CPXCR1: variants seen among roughly 807,000 people sequenced by gnomAD.
CPXCR1 encodes the protein CPX chromosome region candidate 1, also known as CPX chromosomal region candidate gene 1 protein.
A neutral mutation model predicts 13.8 loss-of-function variants in CPXCR1; 15 were observed. That is an observed-to-expected ratio of 1.09 (90% CI 0.73 to 1.67). The LOEUF is 1.67. Ranked by LOEUF, CPXCR1 falls within the 40% of genes most tolerant of loss-of-function variation. CPXCR1 has a pLI of 0.00. For synonymous variants in CPXCR1, 70 were observed against 76.7 expected, an observed-to-expected ratio of 0.91 and a Z score of 0.46; for missense variants, 247 against 223.6, an observed-to-expected ratio of 1.10 and a Z score of -0.67.
intron 2 of CPXCR1, among the ~76,000 whole-genome samples, chrX:88,751,532 A>C (rs1228596715): frequency 9.0e-6 from 1 of 111,500 alleles, no homozygotes; most frequent in Non-Finnish European, 1.9e-5. Context: ...GCTGAGAAGA[A>C]TGTATATTCT....
In CPXCR1 at chrX:88,753,776, C is replaced by T. The variant is rs1477949802; in HGVS notation, c.362C>T (p.Ala121Val). The T allele has an allele frequency of 8.3e-7, 1 of 1,209,597 alleles. No homozygotes were observed. The highest frequency in any genetic ancestry group is 2.2e-5 in the Admixed American group (1 of 45,789). ...RSHSGKVEMK[A>V]NNFPINHKTR... ...CACTCAGGGAAAGTTGAGATGAAAG[C>T]AAACAATTTCCCCATAAATCACAAA... Residue 121 changes from alanine to valine, a missense_variant, in exon 3 of 3, where the codon GCA becomes GTA. Transcript: ENST00000276127.
chrX:88,750,824 G>A (rs1393598859), intron 2 of CPXCR1, among the ~76,000 whole-genome samples: 2 of 111,550 alleles, frequency 1.8e-5, no homozygotes, highest in African/African-American at 6.5e-5. Flanking sequence ...GTCCAGGAAT[G>A]TATCCATTTC....
At position 88,753,655 on chromosome X, in the gene CPXCR1, C is replaced by G; in HGVS notation, c.241C>G (p.Arg81Gly). 1.7e-6 allele frequency: 2 copies of G among 1,208,431 alleles called. No individual in the cohort carries two copies. Among genetic ancestry groups the G allele is most frequent in the Non-Finnish European group, 2.2e-6 (2 of 894,037 alleles). Residue 81 changes from arginine to glycine, a missense_variant, in exon 3 of 3, where the codon CGA (arginine) becomes GGA (glycine). By Grantham distance (125) the Arg-to-Gly change is moderately radical. Transcript: ENST00000276127. ...ELETEIQKDQ[R>G]EEDLKEELLL... ...CGAAACAGAGATCCAAAAAGATCAA[C>G]GAGAAGAAGATCTAAAAGAAGAGCT... is the stretch of plus-strand genomic sequence containing the variant.
chrX:88,751,244 T>C (rs1272325866), intron 2 of CPXCR1, among the ~76,000 whole-genome samples: 4 of 112,015 alleles, frequency 3.6e-5, no homozygotes, highest in African/African-American at 1.3e-4. Flanking sequence ...GCTTTAGCTG[T>C]GTCCCAGAGA....
Position 88,753,909 on chromosome X carries a change from A to T in CPXCR1, c.495A>T (p.Ala165=), listed in dbSNP as rs1338880906. The part of the protein sequence containing the change: ...LLCDRYFSQA[A]GCQNTMWVKR... The stretch of plus-strand genomic sequence containing the variant: ...GTGATAGATATTTCTCTCAGGCTGC[A>T]GGGTGTCAGAATACCATGTGGGTAA... Residue 165 remains alanine, a synonymous_variant, in exon 3 of 3, where the codon GCA becomes GCT. Transcript: ENST00000276127. 8.3e-7 allele frequency: 1 copy of T among 1,210,877 alleles called. No homozygotes were observed. The highest frequency in any genetic ancestry group is 1.1e-6 in the Non-Finnish European group (1 of 894,619).
intron 2 of CPXCR1, among the ~76,000 whole-genome samples, chrX:88,751,797 A>G (rs907478545): frequency 3.6e-5 from 4 of 111,788 alleles, no homozygotes; most frequent in Non-Finnish European, 5.6e-5. Context: ...GCAGTATTGG[A>G]ACAGAGAAAG....
rs188365025 is a variant in CPXCR1, at chrX:88,750,422, C to T, written c.-9+999C>T. On this transcript the variant is annotated intron_variant, in intron 2 of 2. Coordinates refer to ENST00000276127, the MANE Select transcript of CPXCR1 (RefSeq NM_033048.6). ...CCAGCCTTGCATCCCAGGGATGAAG[C>T]TGACTTGATCATGGTGGATAAGCTT... Among the ~76,000 whole-genome samples, 38 of 111,689 alleles carry T rather than the reference C, an allele frequency of 3.4e-4. No individual in the cohort carries two copies. In the East Asian group the frequency reaches 7.7e-3, roughly 23 times the overall value.
At chrX:88,748,795 TTGTG>T (rs748485686) in intron 1 of CPXCR1, among the ~76,000 whole-genome samples, 4,037 of 99,639 alleles carry the variant, frequency 0.041, 194 homozygotes, top group African/African-American at 0.13. Context: ...GATATTTCTT[TTGTG>T]TGTGTGTGTG....
rs774253645 is a variant in CPXCR1, at chrX:88,753,938, G to A, written c.524G>A (p.Arg175Gln). ...AGCQNTMWVK[R>Q]KYIACLYHPN... ...TGTCAGAATACCATGTGGGTAAAGC[G>A]AAAATATATAGCATGTCTTTACCAT... Residue 175 changes from arginine (R) to glutamine (Q), a missense_variant, in exon 3 of 3, where the codon CGA becomes CAA. By Grantham distance (43) the Arg-to-Gln change is conservative. Transcript: ENST00000276127. 5.7e-5 allele frequency: 69 copies of A among 1,208,450 alleles called. No homozygotes were observed. Among genetic ancestry groups the A allele is most frequent in the Admixed American group, 2.0e-4 (9 of 45,582 alleles).
At chrX:88,751,928 T>C (rs780980028) in intron 2 of CPXCR1, among the ~76,000 whole-genome samples, 1 of 111,485 alleles carries the variant, frequency 9.0e-6, no homozygotes, top group Non-Finnish European at 1.9e-5. Flanking sequence ...TCTACATCTT[T>C]AAATCCTGCT....
chrX:88,750,987 C>T (rs1357713784), intron 2 of CPXCR1, among the ~76,000 whole-genome samples: 2 of 110,690 alleles, frequency 1.8e-5, no homozygotes, highest in South Asian at 3.8e-4. Flanking sequence ...GTCTGGCTAG[C>T]GGTCTATCTA....
At position 88,754,736 on chromosome X, in the gene CPXCR1, C is replaced by A. The variant is rs192696435; in HGVS notation, c.*416C>A. 29 of 126,970 alleles carry A rather than the reference C, an allele frequency of 2.3e-4. 1 individual carries two copies. The highest frequency in any genetic ancestry group is 4.4e-3 in the Middle Eastern group (1 of 225). 10.5% of individuals were successfully genotyped at this position (126,970 alleles called of 1,213,427 possible). A position where few individuals can be genotyped will look rare whatever the true frequency, so the allele number is the denominator to read the frequency against. ...CCAGAGATTCTGCTACATGTATTAT[C>A]TGAAATGTTCTCCATATATTCAATA... On this transcript the variant is annotated 3_prime_UTR_variant, in exon 3 of 3. Coordinates refer to ENST00000276127, the MANE Select transcript of CPXCR1 (RefSeq NM_033048.6).
Position 88,753,811 on chromosome X carries a change from C to T in CPXCR1, c.397C>T (p.Arg133Ter), listed in dbSNP as rs1924996665. 2 of 1,208,727 alleles carry T rather than the reference C, an allele frequency of 1.7e-6. No homozygotes were observed. The highest frequency in any genetic ancestry group is 1.7e-5 in the African/African-American group (1 of 57,579). The change falls in exon 3 of 3, where the codon CGA becomes TGA. Residue 133 changes from arginine (R) to a stop codon, truncating the protein, a stop_gained. Transcript: ENST00000276127. LOFTEE classifies it high-confidence loss of function. ...NFPINHKTRF[R>*]LSTSWRVPFI... ...CCCCATAAATCACAAAACTCGTTTT[C>T]GACTTTCAACTTCATGGAGAGTCCC...
In CPXCR1 at chrX:88,747,298, T is replaced by A. The variant is rs1602836917; in HGVS notation, c.-186T>A. ...AGGACCCCGTGAAGCACACCTTTCC[T>A]AAGGATTTTGACGAATGAGAATGAA... On this transcript the variant is annotated 5_prime_UTR_variant, in exon 1 of 3. Transcript: ENST00000276127. 1.8e-5 allele frequency: 2 copies of A among 112,178 alleles called. No individual in the cohort carries two copies. Among genetic ancestry groups the A allele is most frequent in the Admixed American group, 9.4e-5 (1 of 10,589 alleles). The allele number at this position is 112,178 out of a possible 1,213,427, so 9.2% of individuals were successfully genotyped here.
intron 2 of CPXCR1, 96 bp from the exon 3 acceptor site, chrX:88,753,311 C>A: frequency 2.2e-6 from 1 of 447,512 alleles, no homozygotes; most frequent in Non-Finnish European, 3.5e-6. Flanking sequence ...AGAAATAGCA[C>A]ATTCACAGGC....
chrX:88,752,024 C>T (rs976077754), intron 2 of CPXCR1, among the ~76,000 whole-genome samples: 5 of 112,030 alleles, frequency 4.5e-5, no homozygotes, highest in African/African-American at 1.6e-4. Flanking sequence ...TCAAACTCCA[C>T]CACTCCACCA....
At position 88,754,181 on chromosome X, in the gene CPXCR1, T is replaced by C; in HGVS notation, c.767T>C (p.Ile256Thr). Residue 256 changes from isoleucine (I) to threonine (T), a missense_variant, in exon 3 of 3, where the codon ATA (isoleucine) becomes ACA (threonine). Ile to Thr is a moderately conservative substitution (Grantham distance 89, BLOSUM62 -1). Transcript: ENST00000276127. ...SIFNIKGFVD[I>T]LTYIHTMNVM... ...TTTAATATAAAAGGTTTTGTGGATA[T>C]ATTGACATATATCCATACCATGAAT... 8.4e-7 allele frequency: 1 copy of C among 1,185,012 alleles called. No individual in the cohort carries two copies.
intron 1 of CPXCR1, among the ~76,000 whole-genome samples, chrX:88,748,968 G>A (rs765936125): frequency 1.2e-4 from 13 of 105,214 alleles, no homozygotes; most frequent in Admixed American, 3.1e-4. Flanking sequence ...TAGGGTACAT[G>A]TGCACAACAT....
Position 88,748,762 on chromosome X carries a change from T to C in CPXCR1, c.-114-556T>C, listed in dbSNP as rs1214448425. On this transcript the variant is annotated intron_variant, in intron 1 of 2. Coordinates refer to ENST00000276127, the MANE Select transcript of CPXCR1 (RefSeq NM_033048.6). ...ACATAAATATATGTGATAAATATAC[T>C]AGTATATTCACAATGAACACTGGAT... Among the ~76,000 whole-genome samples, 3 of 109,865 alleles carry C rather than the reference T, an allele frequency of 2.7e-5. No individual in the cohort carries two copies. In the Admixed American group the frequency reaches 2.9e-4, roughly 11 times the overall value.
Sources: allele counts gnomAD v4.1 joint callset (sites outside exome capture counted in the v4.1 genomes callset), GRCh38; gene constraint gnomAD v4.1.1; transcripts MANE v1.5; gene names NCBI Gene and HGNC (gene_info 2026-07-23, HGNC 2026-07-21).